AGO2: variants seen among roughly 807,000 people sequenced by gnomAD.
AGO2 encodes the protein protein argonaute-2.
AGO2 carries 5 observed loss-of-function variants against 102.3 expected under a neutral mutation model. That is an observed-to-expected ratio of 0.05 (90% CI 0.03 to 0.10). The LOEUF (loss-of-function observed/expected upper bound fraction) is 0.10, where lower values mean the gene tolerates loss of function less well. Ranked by LOEUF, AGO2 falls within the 10% of genes least tolerant of loss-of-function variation. AGO2 has a pLI of 1.00. For synonymous variants in AGO2, 449 were observed against 473.1 expected (o/e 0.95, Z 0.66); for missense variants, 541 against 1,183.7 (o/e 0.46, Z 7.97).
At chr8:140,533,246 A>G (rs529282596) in intron 17 of AGO2, among the ~76,000 whole-genome samples, 29 of 150,630 alleles carry the variant, frequency 1.9e-4, no homozygotes, top group Non-Finnish European at 3.4e-4. Context: ...AAAATTAGCC[A>G]GGCGTGGTGG....
the AGO2 span, among the ~76,000 whole-genome samples, chr8:140,641,755 T>A: frequency 1.3e-5 from 2 of 152,180 alleles, no homozygotes; most frequent in Non-Finnish European, 2.9e-5. Flanking sequence ...GGCTAATTTT[T>A]GTATTTTTAG....
Position 140,549,326 on chromosome 8 carries a change from G to A in AGO2, c.1404-28C>T, listed in dbSNP as rs376148206. ...GCAGGAGAAGGCTCCGTTCACTACC[G>A]GGCACTGGGAATGGCAGAGAACTCA... On this transcript the variant is annotated intron_variant, in intron 11 of 18. Coordinates refer to ENST00000220592, the MANE Select transcript of AGO2 (RefSeq NM_012154.5). 2.1e-4 allele frequency: 330 copies of A among 1,553,212 alleles called. 1 individual carries two copies. Among genetic ancestry groups the A allele is most frequent in the Admixed American group, 2.8e-4 (15 of 53,466 alleles).
intron 18 of AGO2, 95 bp downstream of exon 18, chr8:140,532,321 T>G (rs984867086): frequency 6.8e-7 from 1 of 1,478,596 alleles, no homozygotes; most frequent in East Asian, 2.4e-5. Flanking sequence ...CTCCAGCCGC[T>G]GGGGCCCTGC....
chr8:140,550,416 C>G (rs1465162191), intron 11 of AGO2, among the ~76,000 whole-genome samples: 1 of 152,234 alleles, frequency 6.6e-6, no homozygotes, highest in African/African-American at 2.4e-5. Flanking sequence ...TGGGCCCGTA[C>G]CTGGCACGGC....
In AGO2 at chr8:140,559,117, C is replaced by A. The variant is rs2073153369; in HGVS notation, c.790+278G>T. Among the ~76,000 whole-genome samples, 5 of 152,326 alleles carry A rather than the reference C, an allele frequency of 3.3e-5. No homozygotes were observed. In the South Asian group the frequency reaches 8.3e-4, roughly 25 times the overall value. ...CAGCGTTAGGAAATGCTGATCACAG[C>A]CACGCTGCTGCTTCTAGTCCTGAGA... On this transcript the variant is annotated intron_variant, in intron 6 of 18. Transcript: ENST00000220592.
At chr8:140,632,175 C>T (rs1178643192) in intron 1 of AGO2, among the ~76,000 whole-genome samples, 1 of 152,230 alleles carries the variant, frequency 6.6e-6, no homozygotes, top group Non-Finnish European at 1.5e-5. Flanking sequence ...TCAAATTGCA[C>T]AGGGTTTAGG....
At chr8:140,629,706 G>C (rs1461468173) in intron 1 of AGO2, among the ~76,000 whole-genome samples, 1 of 151,768 alleles carries the variant, frequency 6.6e-6, no homozygotes, top group African/African-American at 2.4e-5. Flanking sequence ...GTGGTCCACA[G>C]CTGCAGTCTA....
chr8:140,627,521 T>C (rs929570920), intron 1 of AGO2, among the ~76,000 whole-genome samples: 1 of 152,124 alleles, frequency 6.6e-6, no homozygotes, highest in Non-Finnish European at 1.5e-5. Context: ...AACAACAACA[T>C]TGCCCTGAGT....
At chr8:140,629,320 G>A (rs1005089532) in intron 1 of AGO2, among the ~76,000 whole-genome samples, 2 of 152,064 alleles carry the variant, frequency 1.3e-5, no homozygotes, top group East Asian at 3.9e-4. Flanking sequence ...CTAAGGATTC[G>A]TGGGGAATGT....
chr8:140,541,592 A>G, intron 14 of AGO2: 1 of 285,210 alleles, frequency 3.5e-6, no homozygotes, highest in Non-Finnish European at 5.9e-6. Flanking sequence ...TACATAGTTT[A>G]AACAAAACAA....
intron 1 of AGO2, chr8:140,626,959 A>G (rs1387828741): frequency 1.3e-5 from 2 of 152,208 alleles, no homozygotes; most frequent in East Asian, 1.9e-4. Context: ...CCTGCACACG[A>G]GCATGGGGCT....
chr8:140,585,020 C>T, intron 2 of AGO2, 99 bp downstream of exon 2: 1 of 1,234,582 alleles, frequency 8.1e-7, no homozygotes, highest in South Asian at 2.0e-5. Context: ...TGGAAAAAAC[C>T]CAGATGGATC....
chr8:140,543,874 T>C (rs2072844767), intron 14 of AGO2, among the ~76,000 whole-genome samples: 1 of 152,206 alleles, frequency 6.6e-6, no homozygotes, highest in Admixed American at 6.5e-5. Flanking sequence ...AAGGCCGGAG[T>C]TCTCATGCTG....
At chr8:140,632,353 G>A (rs986383298) in intron 1 of AGO2, among the ~76,000 whole-genome samples, 37 of 152,234 alleles carry the variant, frequency 2.4e-4, no homozygotes, top group Non-Finnish European at 4.8e-4. Context: ...CATGGCAGAT[G>A]GGCACCAGTA....
chr8:140,565,855 G>A (rs1275437645), intron 3 of AGO2, among the ~76,000 whole-genome samples: 1 of 151,966 alleles, frequency 6.6e-6, no homozygotes, highest in Admixed American at 6.6e-5. Flanking sequence ...TGAGGTGGGA[G>A]GATGGTTTGA....
intron 1 of AGO2, among the ~76,000 whole-genome samples, chr8:140,616,693 G>A (rs2074146511): frequency 6.6e-6 from 1 of 152,198 alleles, no homozygotes; most frequent in Admixed American, 6.5e-5. Flanking sequence ...GGCCTGGGTG[G>A]GAGTCCAGGG....
At chr8:140,593,190 AAT>A (rs1001317402) in intron 1 of AGO2, 4 of 151,488 alleles carry the variant, frequency 2.6e-5, no homozygotes, top group African/African-American at 9.7e-5. Context: ...TATCAATAAA[AAT>A]AGACCAAAAC....
intron 1 of AGO2, among the ~76,000 whole-genome samples, chr8:140,623,641 C>T (rs2074241224): frequency 6.6e-6 from 1 of 152,088 alleles, no homozygotes; most frequent in African/African-American, 2.4e-5. Context: ...GCTTCCCTCC[C>T]GTGCACACCT....
intron 3 of AGO2, among the ~76,000 whole-genome samples, chr8:140,570,370 C>T (rs552253192): frequency 5.3e-5 from 8 of 151,742 alleles, no homozygotes; most frequent in Non-Finnish European, 5.9e-5. Context: ...TGACTATAGG[C>T]GTGTGCCCCT....
Sources: gnomAD v4.1 joint callset for allele counts (sites outside exome capture counted in the v4.1 genomes callset) on GRCh38, gnomAD v4.1.1 for gene constraint, MANE v1.5 for transcripts, NCBI Gene and HGNC (gene_info 2026-07-23, HGNC 2026-07-21) for gene names.